Variants in CNTNAP2 observed in about 807,000 individuals in gnomAD.
CNTNAP2 encodes contactin associated protein 2, also known as contactin-associated protein-like 2.
A neutral mutation model predicts 155.2 loss-of-function variants in CNTNAP2; 98 were observed. The ratio of observed to expected loss-of-function variants is 0.63; its 90% CI spans 0.54 to 0.75. The LOEUF is 0.75. CNTNAP2 is among the 30% of genes least tolerant of loss of function. CNTNAP2 has a pLI of 0.00. For missense variants in CNTNAP2, 1,727 were observed against 1,688.1 expected (o/e 1.02, Z -0.40); for synonymous variants, 651 against 631.2 (o/e 1.03, Z -0.47).
intron 3 of CNTNAP2, among the ~76,000 whole-genome samples, chr7:146,853,516 A>T (rs1482241974): frequency 1.3e-5 from 2 of 152,140 alleles, no homozygotes; most frequent in African/African-American, 4.8e-5. Flanking sequence ...AAGTGCAGAG[A>T]TGTTTGGCAT....
chr7:147,143,324 A>T (rs1801638670), intron 8 of CNTNAP2, among the ~76,000 whole-genome samples: 1 of 152,136 alleles, frequency 6.6e-6, no homozygotes, highest in South Asian at 2.1e-4. Context: ...ATGGTCTCAC[A>T]TGTCCTCTAC....
chr7:148,289,505 T>C (rs1323114400), intron 21 of CNTNAP2, among the ~76,000 whole-genome samples: 1 of 146,960 alleles, frequency 6.8e-6, no homozygotes, highest in Non-Finnish European at 1.5e-5. Flanking sequence ...ACCAACTTAC[T>C]TGGTTTTTTT....
chr7:146,625,484 C>T (rs964556285), intron 1 of CNTNAP2, among the ~76,000 whole-genome samples: 3 of 151,924 alleles, frequency 2.0e-5, no homozygotes, highest in Non-Finnish European at 4.4e-5. Flanking sequence ...AAAACACAGG[C>T]TTATTATTTG....
intron 12 of CNTNAP2, among the ~76,000 whole-genome samples, chr7:147,613,102 A>G (rs1171816154): frequency 6.6e-6 from 1 of 152,164 alleles, no homozygotes; most frequent in Non-Finnish European, 1.5e-5. Context: ...TATTTTCCAA[A>G]ATAGCTCCAA....
chr7:147,461,456 G>A (rs2116588495), intron 10 of CNTNAP2, among the ~76,000 whole-genome samples: 1 of 152,192 alleles, frequency 6.6e-6, no homozygotes, highest in East Asian at 1.9e-4. Context: ...CGATTTTTAT[G>A]TAAGATAATA....
chr7:147,004,368 A>G (rs115035791), intron 3 of CNTNAP2, among the ~76,000 whole-genome samples: 166 of 152,108 alleles, frequency 1.1e-3, no homozygotes, highest in African/African-American at 3.9e-3. Flanking sequence ...CTAAAAATAA[A>G]CCAGAAAATA....
intron 1 of CNTNAP2, among the ~76,000 whole-genome samples, chr7:146,728,729 T>C (rs1206856331): frequency 6.6e-6 from 1 of 152,164 alleles, no homozygotes; most frequent in Non-Finnish European, 1.5e-5. Context: ...ATCCTCAGCT[T>C]TCTGTCCTTT....
chr7:147,615,486 G>A (rs779497101), intron 12 of CNTNAP2, among the ~76,000 whole-genome samples: 2 of 151,494 alleles, frequency 1.3e-5, no homozygotes, highest in African/African-American at 4.8e-5. Context: ...TGTATATTAC[G>A]ATAATCAGAA....
rs145963537 is a variant in CNTNAP2, at chr7:148,327,070, T to C, written c.3476-56579T>C. On this transcript the variant is annotated intron_variant, in intron 21 of 23. Coordinates refer to ENST00000361727, the MANE Select transcript of CNTNAP2 (RefSeq NM_014141.6). ...CTCATCCTGGCAGCATCCAGTTTCTTGTGGACGTTGCTGCATCCCAACCAC... is the reference window on the plus strand; with the variant it reads ...CTCATCCTGGCAGCATCCAGTTTCTCGTGGACGTTGCTGCATCCCAACCAC... Among the ~76,000 whole-genome samples the C allele has an allele frequency of 3.0e-4, 45 of 152,204 alleles. 1 individual carries two copies. The East Asian group carries it at 8.5e-3, about 29-fold the overall frequency.
chr7:147,353,630 A>G (rs1796007767), intron 9 of CNTNAP2, among the ~76,000 whole-genome samples: 1 of 152,162 alleles, frequency 6.6e-6, no homozygotes, highest in South Asian at 2.1e-4. Flanking sequence ...TCTTTAGAGT[A>G]GAACGATTTA....
intron 20 of CNTNAP2, among the ~76,000 whole-genome samples, chr7:148,253,743 T>C (rs1010583929): frequency 1.3e-5 from 2 of 152,180 alleles, no homozygotes; most frequent in East Asian, 1.9e-4. Flanking sequence ...AGTGTACTAC[T>C]GGGCAGGTGT....
At chr7:148,243,523 G>C (rs1180206311) in intron 20 of CNTNAP2, among the ~76,000 whole-genome samples, 2 of 152,174 alleles carry the variant, frequency 1.3e-5, no homozygotes, top group Non-Finnish European at 2.9e-5. Flanking sequence ...CATGGTGGAA[G>C]GCAAGGAGGA....
At chr7:147,127,170 C>T (rs1485160973) in intron 6 of CNTNAP2, among the ~76,000 whole-genome samples, 1 of 152,080 alleles carries the variant, frequency 6.6e-6, no homozygotes, top group Non-Finnish European at 1.5e-5. Context: ...TTAGGTAGTA[C>T]CTAATATGTT....
chr7:147,525,714 A>G (rs973147907), intron 11 of CNTNAP2, among the ~76,000 whole-genome samples: 1 of 152,224 alleles, frequency 6.6e-6, no homozygotes, highest in Non-Finnish European at 1.5e-5. Flanking sequence ...AAGAAGCCAT[A>G]CATAGGGAAA....
chr7:147,534,238 C>T (rs1160703357), intron 11 of CNTNAP2, among the ~76,000 whole-genome samples: 2 of 152,120 alleles, frequency 1.3e-5, no homozygotes, highest in Non-Finnish European at 2.9e-5. Context: ...GGTGAACATC[C>T]TACAAAGCAC....
chr7:146,121,089 TCAAA>T, intron 1 of CNTNAP2, among the ~76,000 whole-genome samples: 60 of 148,222 alleles, frequency 4.0e-4, no homozygotes, highest in Non-Finnish European at 5.1e-4. Context: ...AAAAACTTAC[TCAAA>T]TGTCTTAAAG....
At chr7:148,125,689 G>GTGTA (rs1204947139) in intron 16 of CNTNAP2, among the ~76,000 whole-genome samples, 91 of 118,520 alleles carry the variant, frequency 7.7e-4, no homozygotes, top group Non-Finnish European at 1.3e-3. Context: ...GTGTGTGTGT[G>GTGTA]TATATATATA....
intron 14 of CNTNAP2, among the ~76,000 whole-genome samples, chr7:147,947,866 T>C (rs1318029297): frequency 6.6e-6 from 1 of 152,170 alleles, no homozygotes; most frequent in Non-Finnish European, 1.5e-5. Context: ...CTTTCATTTT[T>C]TTAAAATGAT....
intron 13 of CNTNAP2, among the ~76,000 whole-genome samples, chr7:147,842,049 A>T (rs1297371452): frequency 2.0e-5 from 3 of 152,252 alleles, no homozygotes; most frequent in Admixed American, 6.5e-5. Context: ...ATCATTAAAA[A>T]TAAATACATA....
Sources: gnomAD v4.1 joint callset for allele counts (sites outside exome capture counted in the v4.1 genomes callset) on GRCh38, gnomAD v4.1.1 for gene constraint, MANE v1.5 for transcripts, NCBI Gene and HGNC (gene_info 2026-07-23, HGNC 2026-07-21) for gene names.